The following MAP4K3 variants were observed in gnomAD, a reference collection of about 807,000 sequenced individuals.
MAP4K3 encodes the protein mitogen-activated protein kinase kinase kinase kinase 3.
In MAP4K3, 94 loss-of-function variants were observed where a neutral mutation model predicts 143.5. That is an observed-to-expected ratio of 0.65 (90% CI 0.55 to 0.78). MAP4K3 has a LOEUF of 0.78. Among genes scored for constraint, MAP4K3 ranks in the 30% least tolerant of loss-of-function variants. The pLI, the probability that MAP4K3 is intolerant of heterozygous loss-of-function variation, is 0.00. For synonymous variants in MAP4K3, 416 were observed against 347.2 expected, an observed-to-expected ratio of 1.20 and a Z score of -2.20; for missense variants, 1,077 against 1,068.1, an observed-to-expected ratio of 1.01 and a Z score of -0.12.
At chr2:39,295,931 C>A (rs1474037798) in intron 16 of MAP4K3, among the ~76,000 whole-genome samples, 1 of 152,054 alleles carries the variant, frequency 6.6e-6, no homozygotes, top group East Asian at 1.9e-4. Flanking sequence ...ATTGCCCAGG[C>A]TGGTCTTGAA....
chr2:39,415,279 G>T (rs1164594492), intron 1 of MAP4K3, among the ~76,000 whole-genome samples: 1 of 152,178 alleles, frequency 6.6e-6, no homozygotes, highest in Non-Finnish European at 1.5e-5. Flanking sequence ...TATGCTTACT[G>T]ATATGACTTT....
intron 2 of MAP4K3, among the ~76,000 whole-genome samples, chr2:39,369,940 G>A (rs1666035836): frequency 6.6e-6 from 1 of 152,144 alleles, no homozygotes; most frequent in Non-Finnish European, 1.5e-5. Context: ...TCTGCTCAAT[G>A]GGTTCTCCGT....
chr2:39,415,301 A>G (rs1667340634), intron 1 of MAP4K3, among the ~76,000 whole-genome samples: 1 of 152,202 alleles, frequency 6.6e-6, no homozygotes, highest in Admixed American at 6.5e-5. Context: ...TTTAAGCAAC[A>G]AAGGAAAATT....
rs1264413356 is a variant in MAP4K3 at position 39,418,182 on chromosome 2, A to C, written c.96+18710T>G. On this transcript the variant is annotated intron_variant, in intron 1 of 33. Coordinates refer to ENST00000263881, the MANE Select transcript of MAP4K3 (RefSeq NM_003618.4). The stretch of plus-strand genomic sequence containing the variant: ...CTGCACCACTGCACTCCAGCCTGGT[A>C]ACAGAACAAGACTCCGTCTCAAAAA... Among the ~76,000 whole-genome samples the C allele has an allele frequency of 2.1e-5, 3 of 145,906 alleles. No homozygotes were observed. The East Asian group carries it at 6.1e-4, about 30-fold the overall frequency.
At chr2:39,417,661 T>C (rs1667423073) in intron 1 of MAP4K3, among the ~76,000 whole-genome samples, 1 of 152,200 alleles carries the variant, frequency 6.6e-6, no homozygotes, top group Non-Finnish European at 1.5e-5. Flanking sequence ...CTAAAATAAT[T>C]ATAGATATGT....
chr2:39,337,751 A>ATTTTTTT (rs1573169563), intron 4 of MAP4K3, among the ~76,000 whole-genome samples, 170 bp from the exon 5 acceptor site: 1 of 80,126 alleles, frequency 1.2e-5, no homozygotes, highest in Admixed American at 1.5e-4. Context: ...GCCTGGCTCC[A>ATTTTTTT]GTTTTTTTTT....
chr2:39,342,031 G>A (rs1573175002), intron 4 of MAP4K3, among the ~76,000 whole-genome samples: 2 of 151,786 alleles, frequency 1.3e-5, no homozygotes. Flanking sequence ...ACCAACAAGA[G>A]TGATCACACA....
intron 1 of MAP4K3, among the ~76,000 whole-genome samples, chr2:39,400,082 C>G (rs1355199196): frequency 6.6e-6 from 1 of 152,122 alleles, no homozygotes; most frequent in East Asian, 1.9e-4. Flanking sequence ...TTAATCCCCC[C>G]AAAAACCCTG....
At chr2:39,361,303 C>A (rs1476161414) in intron 2 of MAP4K3, among the ~76,000 whole-genome samples, 3 of 151,748 alleles carry the variant, frequency 2.0e-5, no homozygotes, top group Non-Finnish European at 4.4e-5. Context: ...AATTCTATGC[C>A]CCCTTACTCT....
intron 1 of MAP4K3, among the ~76,000 whole-genome samples, chr2:39,394,310 A>G (rs1558685213): frequency 6.6e-6 from 1 of 152,234 alleles, no homozygotes; most frequent in East Asian, 1.9e-4. Context: ...AGGGAAAGGC[A>G]GAACAACTTC....
chr2:39,362,655 GAACA>G (rs1665803147), intron 2 of MAP4K3, among the ~76,000 whole-genome samples: 1 of 152,062 alleles, frequency 6.6e-6, no homozygotes, highest in African/African-American at 2.4e-5. Context: ...GTAATCTGGA[GAACA>G]AACAGCAACT....
At chr2:39,416,135 T>G (rs1667373187) in intron 1 of MAP4K3, among the ~76,000 whole-genome samples, 1 of 150,678 alleles carries the variant, frequency 6.6e-6, no homozygotes, top group Non-Finnish European at 1.5e-5. Flanking sequence ...ATGAATTATA[T>G]CTCAATTAAA....
intron 1 of MAP4K3, among the ~76,000 whole-genome samples, chr2:39,405,904 G>A (rs1454140746): frequency 6.6e-6 from 1 of 151,630 alleles, no homozygotes; most frequent in African/African-American, 2.4e-5. Flanking sequence ...AGACACCAGG[G>A]GCCAATCCTG....
chr2:39,293,411 C>T, intron 16 of MAP4K3, 143 bp from the exon 17 acceptor site: 1 of 587,544 alleles, frequency 1.7e-6, no homozygotes, highest in Non-Finnish European at 3.0e-6. Flanking sequence ...CTAGTGATCA[C>T]CTCTGCAACC....
At chr2:39,296,714 C>T (rs1257842731) in intron 16 of MAP4K3, among the ~76,000 whole-genome samples, 1 of 152,194 alleles carries the variant, frequency 6.6e-6, no homozygotes, top group Non-Finnish European at 1.5e-5. Flanking sequence ...AACAAAAACC[C>T]TATTTCTCTA....
Position 39,299,784 on chromosome 2 carries a change from A to T in MAP4K3, c.1137T>A (p.Tyr379Ter). The T allele has an allele frequency of 6.3e-7, 1 of 1,576,630 alleles. No homozygotes were observed. Among genetic ancestry groups the T allele is most frequent in the Middle Eastern group, 1.7e-4 (1 of 5,844 alleles). Residue 379 changes from tyrosine (Y) to a stop codon, truncating the protein, a stop_gained, in exon 16 of 34, where the codon TAT (tyrosine) becomes TAA (stop). Transcript: ENST00000263881. LOFTEE classifies it high-confidence loss of function. The part of the protein sequence containing the change: ...ARSNLDLQLE[Y>*]GQGHQGGYFL... ...AGTAACCACCTTGGTGTCCTTGTCC[A>T]TATTCCAGTTGCAGATCCTAATAGT...
intron 3 of MAP4K3, among the ~76,000 whole-genome samples, chr2:39,355,927 T>C (rs1454275772): frequency 6.6e-6 from 1 of 152,208 alleles, no homozygotes; most frequent in Non-Finnish European, 1.5e-5. Flanking sequence ...CTCCTGACTC[T>C]ACACTGACCT....
intron 4 of MAP4K3, among the ~76,000 whole-genome samples, chr2:39,340,727 T>C (rs1050508230): frequency 6.6e-6 from 1 of 152,068 alleles, no homozygotes; most frequent in African/African-American, 2.4e-5. Flanking sequence ...GAATGAAAAC[T>C]GTAAGAATAA....
At chr2:39,332,088 A>G (rs1452832578) in intron 7 of MAP4K3, 99 bp from the exon 8 acceptor site, 2 of 588,584 alleles carry the variant, frequency 3.4e-6, no homozygotes, top group Non-Finnish European at 3.0e-6. Flanking sequence ...TTATTAAGTT[A>G]ATTTTACAGC....
Sources: gnomAD v4.1 joint callset for allele counts (sites outside exome capture counted in the v4.1 genomes callset) on GRCh38, gnomAD v4.1.1 for gene constraint, MANE v1.5 for transcripts, NCBI Gene and HGNC (gene_info 2026-07-23, HGNC 2026-07-21) for gene names.